Variants in PCBP3 observed in about 807,000 individuals in gnomAD.
PCBP3 encodes poly(rC) binding protein 3.
PCBP3 carries 25 observed loss-of-function variants against 52.7 expected under a neutral mutation model. The ratio of observed to expected loss-of-function variants is 0.47; its 90% confidence interval spans 0.35 to 0.66. PCBP3 has a LOEUF of 0.66. PCBP3 is among the 30% of genes least tolerant of loss of function. The probability of loss-of-function intolerance (pLI) is 0.01; values close to 1 mark genes in which losing one functional copy is unlikely to be tolerated. For synonymous variants in PCBP3, 162 were observed against 183.0 expected (o/e 0.89, Z 0.93); for missense variants, 391 against 490.3 (o/e 0.80, Z 1.91).
In PCBP3 at chr21:45,873,874, T is replaced by A. The variant is rs373075886; in HGVS notation, c.11-22334T>A. Among the ~76,000 whole-genome samples the A allele has an allele frequency of 5.4e-4, 83 of 152,348 alleles. 1 individual carries two copies. Among genetic ancestry groups the A allele is most frequent in the African/African-American group, 1.8e-3 (73 of 41,584 alleles). On this transcript the variant is annotated intron_variant, in intron 5 of 17. Transcript: ENST00000681687. Reference sequence around the variant, plus strand: ...GCAGTGGTGCAACCTCAGCTCACTATACCCTCCACCTCCCAGGCAGCTGGG... The same window carrying A: ...GCAGTGGTGCAACCTCAGCTCACTAAACCCTCCACCTCCCAGGCAGCTGGG...
rs184997594 is a variant in PCBP3, at chr21:45,649,530, G to A, written c.-279+5662G>A. On this transcript the variant is annotated intron_variant, in intron 1 of 17. Coordinates refer to ENST00000681687, the MANE Select transcript of PCBP3 (RefSeq NM_001384156.1). ...GTACCAGTATTGTTTATTGAATACA[G>A]TCCTTTCCCCAGTGATCTGCAGTGG... 2.9e-3 allele frequency among the ~76,000 whole-genome samples: 436 copies of A among 152,178 alleles called. 3 individuals carry two copies. Among genetic ancestry groups the A allele is most frequent in the Non-Finnish European group, 2.3e-3 (158 of 68,000 alleles).
chr21:45,897,990 A>G (rs2095875005), intron 6 of PCBP3, among the ~76,000 whole-genome samples: 1 of 152,154 alleles, frequency 6.6e-6, no homozygotes, highest in African/African-American at 2.4e-5. Context: ...TCTGAGCTCT[A>G]GCCCCACAGC....
At chr21:45,733,491 C>T (rs577178445) in intron 2 of PCBP3, among the ~76,000 whole-genome samples, 1 of 152,070 alleles carries the variant, frequency 6.6e-6, no homozygotes, top group East Asian at 1.9e-4. Context: ...CGGGGTTTCA[C>T]TGTGTTAGCC....
At chr21:45,844,459 G>A (rs923061844) in intron 4 of PCBP3, among the ~76,000 whole-genome samples, 1 of 152,156 alleles carries the variant, frequency 6.6e-6, no homozygotes, top group Non-Finnish European at 1.5e-5. Context: ...CCTCCCTCCA[G>A]CATTGTTGCA....
chr21:45,758,607 T>G lies in PCBP3; in HGVS notation c.-126+3155T>G, dbSNP rs181971218. Among the ~76,000 whole-genome samples the G allele has an allele frequency of 3.7e-3, 561 of 152,326 alleles. 2 individuals carry two copies. Among genetic ancestry groups the G allele is most frequent in the Non-Finnish European group, 6.1e-3 (418 of 68,038 alleles). On this transcript the variant is annotated intron_variant, in intron 4 of 17. Coordinates refer to ENST00000681687, the MANE Select transcript of PCBP3 (RefSeq NM_001384156.1). ...TTCTTAATTTTATTTTGGGTTTTTC[T>G]TGGCTAGTGTATATAATAAATATAA...
chr21:45,732,670 T>C (rs2085548253), intron 2 of PCBP3: 1 of 152,200 alleles, frequency 6.6e-6, no homozygotes, highest in African/African-American at 2.4e-5. Flanking sequence ...TTTTGTCTGT[T>C]TTAGAGACAA....
intron 1 of PCBP3, among the ~76,000 whole-genome samples, chr21:45,652,734 C>T (rs535608671): frequency 6.6e-6 from 1 of 152,262 alleles, no homozygotes; most frequent in Admixed American, 6.5e-5. Flanking sequence ...TGAGCCACCA[C>T]GCCCGCCCTG....
At chr21:45,782,431 G>A (rs371174727) in intron 4 of PCBP3, among the ~76,000 whole-genome samples, 27 of 152,270 alleles carry the variant, frequency 1.8e-4, no homozygotes, top group African/African-American at 6.5e-4. Flanking sequence ...CCTAACAGAA[G>A]ACTGAACACA....
chr21:45,815,197 G>A (rs1183741732), intron 4 of PCBP3, among the ~76,000 whole-genome samples: 2 of 65,522 alleles, frequency 3.1e-5, no homozygotes, highest in Non-Finnish European at 5.9e-5. Flanking sequence ...GTGGTGAGTG[G>A]TGAGTGAGTG....
At chr21:45,769,857 G>C (rs1331321019) in intron 4 of PCBP3, among the ~76,000 whole-genome samples, 1 of 152,220 alleles carries the variant, frequency 6.6e-6, no homozygotes, top group Admixed American at 6.5e-5. Flanking sequence ...TTAACAGTAC[G>C]GCAGCTCTGT....
intron 2 of PCBP3, among the ~76,000 whole-genome samples, chr21:45,717,370 G>A (rs1416693518): frequency 3.9e-5 from 6 of 152,084 alleles, no homozygotes; most frequent in Admixed American, 2.0e-4. Context: ...CCAATACAGC[G>A]TTGATTGTAC....
At chr21:45,717,838 C>T (rs1393725411) in intron 2 of PCBP3, among the ~76,000 whole-genome samples, 4 of 152,116 alleles carry the variant, frequency 2.6e-5, no homozygotes, top group Non-Finnish European at 5.9e-5. Flanking sequence ...CTAATACTGG[C>T]CTCATAAAAT....
chr21:45,668,583 G>C (rs2080959216), intron 1 of PCBP3, among the ~76,000 whole-genome samples: 1 of 151,800 alleles, frequency 6.6e-6, no homozygotes, highest in African/African-American at 2.4e-5. Context: ...GGGGGTGGGG[G>C]GATGGGAATA....
chr21:45,650,221 C>G (rs1329477720), intron 1 of PCBP3, among the ~76,000 whole-genome samples: 1 of 151,906 alleles, frequency 6.6e-6, no homozygotes, highest in Non-Finnish European at 1.5e-5. Flanking sequence ...ATCTGTAGTC[C>G]TAGCTACTTG....
intron 4 of PCBP3, among the ~76,000 whole-genome samples, chr21:45,825,319 A>G (rs960868728): frequency 1.3e-5 from 2 of 152,170 alleles, no homozygotes; most frequent in East Asian, 1.9e-4. Context: ...GCCTGTCTGC[A>G]TGGCTGCTCT....
At chr21:45,859,962 C>T (rs1383081778) in intron 5 of PCBP3, among the ~76,000 whole-genome samples, 1 of 152,234 alleles carries the variant, frequency 6.6e-6, no homozygotes, top group East Asian at 1.9e-4. Flanking sequence ...CAGGATGGGC[C>T]TCAGGGACCA....
intron 6 of PCBP3, among the ~76,000 whole-genome samples, chr21:45,898,469 C>T (rs2095900918): frequency 6.6e-6 from 1 of 150,972 alleles, no homozygotes; most frequent in Non-Finnish European, 1.5e-5. Flanking sequence ...CTCATGGTCT[C>T]CCTCTCCTTC....
intron 5 of PCBP3, among the ~76,000 whole-genome samples, chr21:45,851,283 G>A (rs983347492): frequency 7.2e-5 from 11 of 152,234 alleles, no homozygotes; most frequent in Admixed American, 2.0e-4. Flanking sequence ...GGGAGGCCGA[G>A]GTGGGTAGAT....
intron 4 of PCBP3, among the ~76,000 whole-genome samples, chr21:45,849,117 A>G (rs1044060801): frequency 6.6e-6 from 1 of 151,464 alleles, no homozygotes; most frequent in African/African-American, 2.4e-5. Context: ...ATGCCTTGCT[A>G]TGCTTTTATT....
Sources: allele counts gnomAD v4.1 joint callset (sites outside exome capture counted in the v4.1 genomes callset), GRCh38; gene constraint gnomAD v4.1.1; transcripts MANE v1.5; gene names NCBI Gene and HGNC (gene_info 2026-07-23, HGNC 2026-07-21).